The following ARMC9 variants were observed in gnomAD, a reference collection of about 807,000 sequenced individuals.
ARMC9 encodes the protein lisH domain-containing protein ARMC9.
Under a neutral mutation model 107.0 loss-of-function variants are expected in ARMC9, and 94 were observed. The observed-to-expected ratio is 0.88, with a 90% CI of 0.74 to 1.04. ARMC9 has a LOEUF of 1.04. ARMC9 is among the 50% of genes least tolerant of loss of function. The probability of loss-of-function intolerance (pLI) is 0.00; values close to 1 mark genes in which losing one functional copy is unlikely to be tolerated. For synonymous variants in ARMC9, 380 were observed against 396.9 expected, an observed-to-expected ratio of 0.96 and a Z score of 0.51; for missense variants, 942 against 1,030.1, an observed-to-expected ratio of 0.91 and a Z score of 1.17.
At chr2:231,295,055 A>G (rs1574983267) in intron 18 of ARMC9, 1 of 152,230 alleles carries the variant, frequency 6.6e-6, no homozygotes, top group Non-Finnish European at 1.5e-5. Context: ...GTGTTTGATC[A>G]AATGTGGGTG....
At chr2:231,286,701 G>A (rs569570039) in intron 17 of ARMC9, among the ~76,000 whole-genome samples, 13 of 152,212 alleles carry the variant, frequency 8.5e-5, no homozygotes, top group African/African-American at 2.2e-4. Context: ...AAAGCAGTAC[G>A]AAGCAGTATG....
Position 231,358,758 on chromosome 2 carries a change from A to G in ARMC9, c.2132-1996A>G, listed in dbSNP as rs1575178668. ...TCAAACTGCTTGATCGGTTGAGTGC[A>G]GGCCCAGAAAGTACATTCTAGGCAA... On this transcript the variant is annotated intron_variant, in intron 22 of 24. Coordinates refer to ENST00000611582, the MANE Select transcript of ARMC9 (RefSeq NM_001352754.2). This position sits in a 1 kb window ranked among gnomAD's most constrained non-coding sequence, Gnocchi z 4.5. 1.3e-5 allele frequency among the ~76,000 whole-genome samples: 2 copies of G among 152,360 alleles called. 1 individual carries two copies. Among genetic ancestry groups the G allele is most frequent in the Middle Eastern group, 6.8e-3 (2 of 294 alleles).
At chr2:231,252,421 T>C (rs1466211876) in intron 9 of ARMC9, among the ~76,000 whole-genome samples, 1 of 152,156 alleles carries the variant, frequency 6.6e-6, no homozygotes, top group East Asian at 1.9e-4. Context: ...AGCTAATTTT[T>C]GTACTTTTAG....
intron 6 of ARMC9, among the ~76,000 whole-genome samples, chr2:231,223,377 G>A (rs533842830): frequency 6.6e-6 from 1 of 152,266 alleles, no homozygotes; most frequent in South Asian, 2.1e-4. Context: ...GGCACTAACT[G>A]GACAAAGTAC....
In ARMC9 at chr2:231,360,783, C is replaced by A. The variant is rs1314446099; in HGVS notation, c.2161C>A (p.Leu721Ile). 1.3e-6 allele frequency: 2 copies of A among 1,536,170 alleles called. No homozygotes were observed. Among genetic ancestry groups the A allele is most frequent in the African/African-American group, 2.7e-5 (2 of 73,176 alleles). Residue 721 changes from leucine to isoleucine, a missense_variant, in exon 23 of 25, where the codon CTC (leucine) becomes ATC (isoleucine). Coordinates refer to ENST00000611582, the MANE Select transcript of ARMC9 (RefSeq NM_001352754.2). This position sits in a 1 kb window ranked among gnomAD's most constrained non-coding sequence, Gnocchi z 4.7. ...CATCATCGCCAAGCCAGGAGAGTGGCTCCCAAGAGGACGCCAGGAAGAGCC... is the reference window on the plus strand; with the variant it reads ...CATCATCGCCAAGCCAGGAGAGTGGATCCCAAGAGGACGCCAGGAAGAGCC... ...SAIIAKPGEW[L>I]PRGRQEEPRP...
intron 20 of ARMC9, among the ~76,000 whole-genome samples, chr2:231,337,502 C>T (rs2044208354): frequency 1.7e-5 from 2 of 117,124 alleles, no homozygotes; most frequent in South Asian, 2.6e-4. Flanking sequence ...CAGAGTCTCG[C>T]TCTGTCGCCC....
intron 8 of ARMC9, among the ~76,000 whole-genome samples, chr2:231,237,465 G>C (rs2035826137): frequency 6.6e-6 from 1 of 151,802 alleles, no homozygotes; most frequent in African/African-American, 2.4e-5. Context: ...TGTGAATACT[G>C]TACATCTTGA....
At chr2:231,338,341 C>T (rs1248458169) in intron 20 of ARMC9, among the ~76,000 whole-genome samples, 1 of 151,872 alleles carries the variant, frequency 6.6e-6, no homozygotes, top group Non-Finnish European at 1.5e-5. Context: ...GCCTCAGCCT[C>T]AGCCTCCCAA....
chr2:231,296,676 G>A (rs2041394723), intron 19 of ARMC9, among the ~76,000 whole-genome samples: 1 of 152,212 alleles, frequency 6.6e-6, no homozygotes, highest in Admixed American at 6.5e-5. Flanking sequence ...AGAGCTAACG[G>A]AACTGACCAG....
At chr2:231,318,044 G>A (rs1221627986) in intron 19 of ARMC9, among the ~76,000 whole-genome samples, 6 of 151,116 alleles carry the variant, frequency 4.0e-5, no homozygotes, top group Admixed American at 2.6e-4. Flanking sequence ...GACAGGTCAC[G>A]CTTTGTTTCT....
At chr2:231,217,865 G>A (rs552214743) in intron 5 of ARMC9, among the ~76,000 whole-genome samples, 1 of 152,226 alleles carries the variant, frequency 6.6e-6, no homozygotes, top group African/African-American at 2.4e-5. Context: ...GCTAATTGTT[G>A]TATTTTTAGT....
In ARMC9 at chr2:231,357,763, G is replaced by C. The variant is rs139796757; in HGVS notation, c.2131+1829G>C. On this transcript the variant is annotated intron_variant, in intron 22 of 24. Transcript: ENST00000611582. ...GTGGTTTTCTATTTTTTGTAAAGAC[G>C]AAGTTTGCTGTTGCCTAGGCTGGTC... Among the ~76,000 whole-genome samples, 647 of 152,170 alleles carry C rather than the reference G, an allele frequency of 4.3e-3. 4 individuals carry two copies. Among genetic ancestry groups the C allele is most frequent in the African/African-American group, 0.015 (611 of 41,518 alleles).
Position 231,289,595 on chromosome 2 carries a change from T to C in ARMC9, c.1627-1758T>C, listed in dbSNP as rs147683281. Among the ~76,000 whole-genome samples, 620 of 152,312 alleles carry C rather than the reference T, an allele frequency of 4.1e-3. 7 individuals are homozygous for C. Among genetic ancestry groups the C allele is most frequent in the African/African-American group, 0.014 (589 of 41,574 alleles). ...AGAGAGGAGAGACACATTTGTGAGATAGATATAAAATTCAGCTCTCCCAGC... is the reference window on the plus strand; with the variant it reads ...AGAGAGGAGAGACACATTTGTGAGACAGATATAAAATTCAGCTCTCCCAGC... On this transcript the variant is annotated intron_variant, in intron 17 of 24. Coordinates refer to ENST00000611582, the MANE Select transcript of ARMC9 (RefSeq NM_001352754.2).
intron 11 of ARMC9, among the ~76,000 whole-genome samples, chr2:231,261,967 C>T (rs1484031821): frequency 0.14 from 6 of 44 alleles, no homozygotes; most frequent in South Asian, 0.5. Context: ...GGTCTACAGG[C>T]GCCCGCACCA....
intron 19 of ARMC9, among the ~76,000 whole-genome samples, chr2:231,303,519 G>T (rs1379560471): frequency 6.6e-6 from 1 of 152,230 alleles, no homozygotes; most frequent in East Asian, 1.9e-4. Flanking sequence ...ATAAGATTAA[G>T]AAAGTTTCCC....
chr2:231,261,155 C>T (rs1255556576), intron 11 of ARMC9, among the ~76,000 whole-genome samples: 1 of 152,176 alleles, frequency 6.6e-6, no homozygotes, highest in African/African-American at 2.4e-5. Flanking sequence ...GCAGGGCTTG[C>T]AGCCTCAGGA....
At chr2:231,292,683 G>T (rs914703420) in intron 18 of ARMC9, among the ~76,000 whole-genome samples, 1 of 152,202 alleles carries the variant, frequency 6.6e-6, no homozygotes, top group African/African-American at 2.4e-5. Flanking sequence ...TCCGGGGCCA[G>T]GTTTGTCACT....
At chr2:231,256,446 T>TA (rs376282515) in intron 9 of ARMC9, 140 bp from the exon 10 acceptor site, 27,623 of 858,142 alleles carry the variant, frequency 0.032, 20 homozygotes, top group Non-Finnish European at 0.034. Context: ...TGTTTCAAGT[T>TA]AAAAAAAAAA....
chr2:231,292,883 A>T (rs975561163), intron 18 of ARMC9, among the ~76,000 whole-genome samples: 1 of 152,232 alleles, frequency 6.6e-6, no homozygotes, highest in Non-Finnish European at 1.5e-5. Flanking sequence ...CAGGGCGGTC[A>T]CCTGGGGAGA....
Sources: allele counts gnomAD v4.1 joint callset (sites outside exome capture counted in the v4.1 genomes callset), GRCh38; gene constraint gnomAD v4.1.1; non-coding constraint Gnocchi (gnomAD v3.1); transcripts MANE v1.5; gene names NCBI Gene and HGNC (gene_info 2026-07-23, HGNC 2026-07-21).